Variants in RBMS3 observed in about 807,000 individuals in gnomAD.
The protein encoded by RBMS3 is RNA-binding motif, single-stranded-interacting protein 3.
RBMS3 carries 27 observed loss-of-function variants against 66.8 expected under a neutral mutation model. The observed-to-expected ratio is 0.40, with a 90% CI of 0.30 to 0.56. The LOEUF (loss-of-function observed/expected upper bound fraction) is 0.56. Among genes scored for constraint, RBMS3 ranks in the 20% least tolerant of loss-of-function variants. RBMS3 has a pLI of 0.40. For missense variants in RBMS3, 513 were observed against 549.5 expected, an observed-to-expected ratio of 0.93 and a Z score of 0.66; for synonymous variants, 188 against 183.0, an observed-to-expected ratio of 1.03 and a Z score of -0.22.
At chr3:29,893,938 T>G (rs537511518) in intron 8 of RBMS3, among the ~76,000 whole-genome samples, 1 of 151,622 alleles carries the variant, frequency 6.6e-6, no homozygotes, top group African/African-American at 2.4e-5. Flanking sequence ...AACATAGAGT[T>G]ATCAAGTATC....
At chr3:29,378,842 C>CA (rs1423026658) in intron 1 of RBMS3, among the ~76,000 whole-genome samples, 3 of 142,246 alleles carry the variant, frequency 2.1e-5, no homozygotes, top group African/African-American at 7.6e-5. Context: ...AAAATTAAAA[C>CA]AAAAAAATAT....
In RBMS3 at chr3:29,519,232, G is replaced by A. The variant is rs6794381; in HGVS notation, c.307+30733G>A. On this transcript the variant is annotated intron_variant, in intron 3 of 14. Coordinates refer to ENST00000383767, the MANE Select transcript of RBMS3 (RefSeq NM_001003793.3). Reference sequence around the variant, plus strand: ...TATTTTGGTATAGAAACTTATCCAAGAGAAGAAGAAAGCCATCTGTAGAAC... The same window carrying A: ...TATTTTGGTATAGAAACTTATCCAAAAGAAGAAGAAAGCCATCTGTAGAAC... Among the ~76,000 whole-genome samples, 25 of 152,140 alleles carry A rather than the reference G, an allele frequency of 1.6e-4. 1 individual carries two copies. Among genetic ancestry groups the A allele is most frequent in the Admixed American group, 1.5e-3 (23 of 15,274 alleles).
chr3:29,599,642 A>G (rs1196719292), intron 4 of RBMS3, among the ~76,000 whole-genome samples: 2 of 152,108 alleles, frequency 1.3e-5, no homozygotes, highest in Non-Finnish European at 2.9e-5. Context: ...CTTATTAGAA[A>G]CGTAACTAAA....
chr3:29,341,683 G>T (rs2036291443), intron 1 of RBMS3, among the ~76,000 whole-genome samples: 1 of 151,990 alleles, frequency 6.6e-6, no homozygotes, highest in Non-Finnish European at 1.5e-5. Context: ...CCTCCACTTG[G>T]CTTCTCTTCC....
intron 6 of RBMS3, among the ~76,000 whole-genome samples, chr3:29,802,819 C>T (rs995353822): frequency 3.9e-5 from 6 of 152,008 alleles, no homozygotes; most frequent in African/African-American, 9.7e-5. Context: ...AACTAGCATC[C>T]GGTGTAGTTG....
At chr3:29,662,295 T>A (rs770139129) in intron 4 of RBMS3, among the ~76,000 whole-genome samples, 2 of 152,160 alleles carry the variant, frequency 1.3e-5, no homozygotes, top group South Asian at 4.1e-4. Flanking sequence ...TCTCCTAGTT[T>A]TTCAACAGAA....
chr3:29,663,547 C>T (rs553887751), intron 4 of RBMS3, among the ~76,000 whole-genome samples: 3 of 152,208 alleles, frequency 2.0e-5, no homozygotes, highest in South Asian at 4.1e-4. Flanking sequence ...AAATAAGCTC[C>T]TCTTGAAGCC....
At chr3:29,451,578 TG>T (rs200309811) in intron 2 of RBMS3, among the ~76,000 whole-genome samples, 3 of 152,010 alleles carry the variant, frequency 2.0e-5, no homozygotes, top group East Asian at 1.9e-4. Flanking sequence ...TTGTGGTTTT[TG>T]TTTTTTTCAG....
At chr3:29,941,906 G>A (rs1461680739) in intron 11 of RBMS3, among the ~76,000 whole-genome samples, 1 of 151,766 alleles carries the variant, frequency 6.6e-6, no homozygotes, top group Admixed American at 6.6e-5. Flanking sequence ...GCATTCTCTA[G>A]CACTGATTGC....
intron 5 of RBMS3, among the ~76,000 whole-genome samples, chr3:29,754,709 A>G (rs2055329920): frequency 6.6e-6 from 1 of 152,232 alleles, no homozygotes; most frequent in Admixed American, 6.5e-5. Context: ...GTTGCCCTGA[A>G]TATACAGTCC....
chr3:29,354,632 G>C (rs2125565497), intron 1 of RBMS3, among the ~76,000 whole-genome samples: 2 of 152,216 alleles, frequency 1.3e-5, no homozygotes, highest in Non-Finnish European at 2.9e-5. Flanking sequence ...AGTCTCTAGG[G>C]GCTTTGCTGA....
In RBMS3 at chr3:29,413,946, C is replaced by T. The variant is rs116543308; in HGVS notation, c.76-20797C>T. ...CTCCCTTACTGGCTGCTATTCTATC[C>T]TCCCTTCTCTAATTACACATAGACA... On this transcript the variant is annotated intron_variant, in intron 1 of 14. Coordinates refer to ENST00000383767, the MANE Select transcript of RBMS3 (RefSeq NM_001003793.3). Among the ~76,000 whole-genome samples the T allele has an allele frequency of 9.1e-3, 1,389 of 152,110 alleles. 25 individuals carry two copies. The highest frequency in any genetic ancestry group is 0.031 in the African/African-American group (1,265 of 41,424).
chr3:29,928,211 T>TATATATACACACACAC (rs1291440563), intron 10 of RBMS3, among the ~76,000 whole-genome samples: 5 of 93,496 alleles, frequency 5.3e-5, no homozygotes, highest in African/African-American at 2.1e-4. Flanking sequence ...TATATATATA[T>TATATATACACACACAC]ACACACACAC....
chr3:29,401,362 C>CA (rs983619607), intron 1 of RBMS3, among the ~76,000 whole-genome samples: 5 of 151,900 alleles, frequency 3.3e-5, no homozygotes, highest in East Asian at 3.9e-4. Context: ...TTTACCTCCA[C>CA]AAAAAAAACT....
chr3:29,645,408 A>G (rs1559533319), intron 4 of RBMS3, among the ~76,000 whole-genome samples: 1 of 152,196 alleles, frequency 6.6e-6, no homozygotes, highest in Non-Finnish European at 1.5e-5. Context: ...CTGTCCAAGG[A>G]ATGTCCCAGG....
intron 3 of RBMS3, among the ~76,000 whole-genome samples, chr3:29,532,400 G>C (rs1250415124): frequency 6.6e-6 from 1 of 151,034 alleles, no homozygotes; most frequent in Non-Finnish European, 1.5e-5. Flanking sequence ...TTCTGCTTTG[G>C]GGGAAACTGA....
chr3:29,929,088 A>T lies in RBMS3; in HGVS notation c.940-6998A>T, dbSNP rs1215844135. Among the ~76,000 whole-genome samples, 8 of 152,218 alleles carry T rather than the reference A, an allele frequency of 5.3e-5. No individual in the cohort carries two copies. In the East Asian group the frequency reaches 1.5e-3, roughly 29 times the overall value. On this transcript the variant is annotated intron_variant, in intron 10 of 14. Coordinates refer to ENST00000383767, the MANE Select transcript of RBMS3 (RefSeq NM_001003793.3). ...AATATAGTAACCCATCTGTGTAAGA[A>T]ATTTATAATCTTAAGATCAATTCTG...
In RBMS3 at chr3:30,003,876, A is replaced by AT; in HGVS notation, c.*15dup. Reference sequence around the variant, plus strand: ...CACAGACCATAAACAGGACTGAAGAATGTCTGTCTGAATCTTTGCCTTGAA... The same window carrying AT: ...CACAGACCATAAACAGGACTGAAGAATTGTCTGTCTGAATCTTTGCCTTGAA... On this transcript the variant is annotated 3_prime_UTR_variant, in exon 15 of 15. Transcript: ENST00000383767. The AT allele has an allele frequency of 6.9e-7, 1 of 1,450,162 alleles. No homozygotes were observed. 89.8% of individuals were successfully genotyped at this position (1,450,162 alleles called of 1,614,324 possible). A position where few individuals can be genotyped will look rare whatever the true frequency, so the allele number is the denominator to read the frequency against.
intron 1 of RBMS3, among the ~76,000 whole-genome samples, chr3:29,393,414 A>G (rs1305636180): frequency 6.6e-6 from 1 of 152,180 alleles, no homozygotes; most frequent in Admixed American, 6.5e-5. Context: ...TAAGAGGTGT[A>G]TATTCCAAAT....
Sources: gnomAD v4.1 joint callset for allele counts (sites outside exome capture counted in the v4.1 genomes callset) on GRCh38, gnomAD v4.1.1 for gene constraint, MANE v1.5 for transcripts, NCBI Gene and HGNC (gene_info 2026-07-23, HGNC 2026-07-21) for gene names.